Variants in DENND1A observed in about 807,000 individuals in gnomAD.
DENND1A encodes the protein DENN domain-containing protein 1A.
DENND1A carries 51 observed loss-of-function variants against 113.7 expected under a neutral mutation model. That is an observed-to-expected ratio of 0.45 (90% confidence interval 0.36 to 0.57). The LOEUF (loss-of-function observed/expected upper bound fraction) is 0.57, where lower values mean the gene tolerates loss of function less well. Ranked by LOEUF, DENND1A falls within the 20% of genes least tolerant of loss-of-function variation. DENND1A has a pLI of 0.00. For missense variants in DENND1A, 1,258 were observed against 1,395.9 expected (o/e 0.90, Z 1.57); for synonymous variants, 565 against 570.8 (o/e 0.99, Z 0.14).
At chr9:123,583,358 A>G (rs1450371487) in intron 11 of DENND1A, 88 bp from the exon 12 acceptor site, 12 of 941,870 alleles carry the variant, frequency 1.3e-5, no homozygotes, top group Non-Finnish European at 1.8e-5. Flanking sequence ...AGAGGCATAG[A>G]GAAGGAAAGT....
intron 5 of DENND1A, among the ~76,000 whole-genome samples, chr9:123,692,647 T>C (rs146964335): frequency 2.9e-3 from 439 of 152,328 alleles, no homozygotes; most frequent in African/African-American, 0.01. Flanking sequence ...CTAGAAGATT[T>C]AGCATGCTAT....
chr9:123,868,391 T>A (rs891781922), intron 2 of DENND1A, among the ~76,000 whole-genome samples: 1 of 152,208 alleles, frequency 6.6e-6, no homozygotes, highest in African/African-American at 2.4e-5. Flanking sequence ...TCCACACAGA[T>A]ATAAACTCTT....
intron 19 of DENND1A, among the ~76,000 whole-genome samples, chr9:123,436,375 G>A (rs1330833689): frequency 6.6e-6 from 1 of 152,216 alleles, no homozygotes; most frequent in African/African-American, 2.4e-5. Flanking sequence ...GTGGAGAAAC[G>A]CGGTCTTCAC....
chr9:123,474,129 G>C (rs931546067), intron 13 of DENND1A, among the ~76,000 whole-genome samples: 3 of 151,196 alleles, frequency 2.0e-5, no homozygotes, highest in Admixed American at 6.6e-5. Flanking sequence ...TGAGTAGCTG[G>C]GATTACAGGC....
intron 8 of DENND1A, among the ~76,000 whole-genome samples, chr9:123,654,289 G>T (rs2062821461): frequency 6.6e-6 from 1 of 152,180 alleles, no homozygotes; most frequent in African/African-American, 2.4e-5. Flanking sequence ...GAGGATGGAA[G>T]TAAAAAGAAA....
intron 5 of DENND1A, among the ~76,000 whole-genome samples, chr9:123,684,344 C>T (rs962485412): frequency 7.9e-5 from 12 of 152,160 alleles, no homozygotes; most frequent in South Asian, 2.1e-4. Flanking sequence ...TCTCTCCAAA[C>T]GCACCAAAGA....
At chr9:123,477,029 C>T (rs2049972442) in intron 13 of DENND1A, among the ~76,000 whole-genome samples, 1 of 152,190 alleles carries the variant, frequency 6.6e-6, no homozygotes, top group Non-Finnish European at 1.5e-5. Flanking sequence ...GGCACAGGCT[C>T]TATCTTACTA....
chr9:123,674,342 T>TCTCACACA (rs36033303), intron 6 of DENND1A, among the ~76,000 whole-genome samples: 57 of 132,370 alleles, frequency 4.3e-4, no homozygotes, highest in Admixed American at 1.1e-3. Context: ...TGTCTCTCTC[T>TCTCACACA]CACACACACA....
chr9:123,391,392 C>A (rs1257600106), intron 21 of DENND1A, among the ~76,000 whole-genome samples: 3 of 152,234 alleles, frequency 2.0e-5, no homozygotes, highest in Non-Finnish European at 4.4e-5. Flanking sequence ...GCTGTCCATA[C>A]AATTTCTCAT....
chr9:123,843,334 A>T (rs1362899599), intron 2 of DENND1A: 1 of 372,396 alleles, frequency 2.7e-6, no homozygotes, highest in African/African-American at 2.2e-5. Context: ...TTTTTGTTCT[A>T]TATGGAGCTA....
intron 3 of DENND1A, among the ~76,000 whole-genome samples, chr9:123,788,830 A>G (rs1432094911): frequency 6.6e-6 from 1 of 152,152 alleles, no homozygotes; most frequent in Non-Finnish European, 1.5e-5. Flanking sequence ...ACTGTAATTT[A>G]GTAATCTTAA....
chr9:123,733,668 T>C (rs372860618), intron 5 of DENND1A, among the ~76,000 whole-genome samples: 102 of 140,854 alleles, frequency 7.2e-4, no homozygotes, highest in African/African-American at 2.8e-3. Flanking sequence ...TTCTTGTTGG[T>C]TATTTTTTTT....
chr9:123,412,957 G>C (rs2044428615), intron 19 of DENND1A, among the ~76,000 whole-genome samples: 1 of 152,232 alleles, frequency 6.6e-6, no homozygotes, highest in African/African-American at 2.4e-5. Context: ...GCCAAGGTGG[G>C]CGGACCACCT....
At chr9:123,404,444 A>G (rs1199606279) in intron 20 of DENND1A, among the ~76,000 whole-genome samples, 2 of 152,264 alleles carry the variant, frequency 1.3e-5, no homozygotes, top group Admixed American at 6.5e-5. Flanking sequence ...TTGCTGATAA[A>G]AACAACCGAG....
chr9:123,645,671 G>C (rs1055257311), intron 9 of DENND1A, among the ~76,000 whole-genome samples: 1 of 152,106 alleles, frequency 6.6e-6, no homozygotes, highest in East Asian at 1.9e-4. Flanking sequence ...TTCGAACCCA[G>C]TTAAGAATCA....
intron 13 of DENND1A, among the ~76,000 whole-genome samples, chr9:123,481,392 A>G (rs1298105482): frequency 1.3e-5 from 2 of 152,258 alleles, no homozygotes; most frequent in South Asian, 2.1e-4. Flanking sequence ...AGGAAGAAAC[A>G]GTGAGGGAAG....
rs58854560 is a variant in DENND1A, at chr9:123,537,889, G to T, written c.993+19681C>A. On this transcript the variant is annotated intron_variant, in intron 13 of 23. Transcript: ENST00000394215. The stretch of plus-strand genomic sequence containing the variant: ...ACAACGGACAGAATATTGTTCCCAG[G>T]AACTTTCCTAGGGGATTTACCAGGG... Among the ~76,000 whole-genome samples the T allele has an allele frequency of 9.3e-3, 1,416 of 152,266 alleles. 28 individuals are homozygous for T. Among genetic ancestry groups the T allele is most frequent in the African/African-American group, 0.033 (1,356 of 41,530 alleles).
At chr9:123,928,707 GC>G in intron 1 of DENND1A, 1 of 985,422 alleles carries the variant, frequency 1.0e-6, no homozygotes, top group Non-Finnish European at 1.2e-6. Flanking sequence ...GCAAGGCTGG[GC>G]AAGGGTCACA....
chr9:123,491,113 A>C (rs904377762), intron 13 of DENND1A, among the ~76,000 whole-genome samples: 2 of 152,258 alleles, frequency 1.3e-5, no homozygotes, highest in African/African-American at 4.8e-5. Flanking sequence ...AATCACCAGC[A>C]ATGATCCGGT....
Sources: allele counts gnomAD v4.1 joint callset (sites outside exome capture counted in the v4.1 genomes callset), GRCh38; gene constraint gnomAD v4.1.1; transcripts MANE v1.5; gene names NCBI Gene and HGNC (gene_info 2026-07-23, HGNC 2026-07-21).